The following RSPH14 variants were observed in gnomAD, a reference collection of about 807,000 sequenced individuals.
RSPH14 encodes the protein rhabdoid tumor deletion region gene 1.
In RSPH14, 20 loss-of-function variants were observed where a neutral mutation model predicts 26.7. That is an observed-to-expected ratio of 0.75 (90% confidence interval 0.53 to 1.09). RSPH14 has a LOEUF of 1.09. Among genes scored for constraint, RSPH14 ranks in the 50% least tolerant of loss-of-function variants. The pLI is 0.00. For missense variants in RSPH14, 449 were observed against 457.2 expected (o/e 0.98, Z 0.16); for synonymous variants, 177 against 189.3 (o/e 0.93, Z 0.53).
intron 3 of RSPH14, among the ~76,000 whole-genome samples, chr22:23,138,122 A>G (rs2070514752): frequency 6.6e-6 from 1 of 152,244 alleles, no homozygotes; most frequent in Non-Finnish European, 1.5e-5. Flanking sequence ...CACTTTGAGG[A>G]TGTTATTTTA....
At chr22:23,077,948 G>A (rs2068551934) in intron 4 of RSPH14, among the ~76,000 whole-genome samples, 1 of 152,194 alleles carries the variant, frequency 6.6e-6, no homozygotes, top group South Asian at 2.1e-4. Context: ...ACTCCACCAT[G>A]AGGGCTTGGC....
chr22:23,088,138 C>T lies in RSPH14; in HGVS notation c.422-24005G>A, dbSNP rs539556131. Among the ~76,000 whole-genome samples, 5 of 152,206 alleles carry T rather than the reference C, an allele frequency of 3.3e-5. No homozygotes were observed. The South Asian group carries it at 1.0e-3, about 31-fold the overall frequency. On this transcript the variant is annotated intron_variant, in intron 4 of 6. Coordinates refer to ENST00000216036, the MANE Select transcript of RSPH14 (RefSeq NM_014433.3). ...GTTAAATCTCTTTCACTGTCTCAGTCATAATTTTGTAAAGGCGGTTTCAAG... is the reference window on the plus strand; with the variant it reads ...GTTAAATCTCTTTCACTGTCTCAGTTATAATTTTGTAAAGGCGGTTTCAAG...
chr22:23,136,757 T>G (rs1313989566), intron 3 of RSPH14, among the ~76,000 whole-genome samples: 4 of 139,058 alleles, frequency 2.9e-5, no homozygotes, highest in African/African-American at 1.0e-4. Context: ...CCCCCCTAAC[T>G]GGGGATTACT....
chr22:23,165,896 C>T, the RSPH14 span, among the ~76,000 whole-genome samples: 1 of 152,152 alleles, frequency 6.6e-6, no homozygotes, highest in South Asian at 2.1e-4. Context: ...CCTGTAATCC[C>T]AGCACTTTGG....
chr22:23,154,211 C>T, the RSPH14 span, among the ~76,000 whole-genome samples: 1 of 152,152 alleles, frequency 6.6e-6, no homozygotes, highest in African/African-American at 2.4e-5. Flanking sequence ...CTGTGAGACC[C>T]TTCCGTGCTC....
intron 3 of RSPH14, 51 bp from the exon 4 acceptor site, chr22:23,134,195 G>A (rs756815620): frequency 1.0e-5 from 14 of 1,369,968 alleles, no homozygotes; most frequent in Non-Finnish European, 1.4e-5. Flanking sequence ...GCCCTGAGAG[G>A]CTCAAATTAG....
chr22:23,149,487 T>C (rs902136427), upstream of RSPH14, among the ~76,000 whole-genome samples: 5 of 152,196 alleles, frequency 3.3e-5, no homozygotes, highest in Non-Finnish European at 5.9e-5. Flanking sequence ...TCCTAGGACA[T>C]TTTCCAGGCA....
At chr22:23,111,374 C>T (rs960107916) in intron 4 of RSPH14, among the ~76,000 whole-genome samples, 8 of 152,194 alleles carry the variant, frequency 5.3e-5, no homozygotes, top group Non-Finnish European at 1.0e-4. Flanking sequence ...GCACTGGACT[C>T]GGTTCCGCCT....
the RSPH14 span, among the ~76,000 whole-genome samples, chr22:23,173,806 C>G: frequency 3.3e-5 from 5 of 151,984 alleles, no homozygotes; most frequent in African/African-American, 1.2e-4. Flanking sequence ...CTCCTGGGTT[C>G]CAGCGATTCT....
intron 4 of RSPH14, among the ~76,000 whole-genome samples, chr22:23,079,478 C>T (rs942819385): frequency 2.0e-5 from 3 of 152,034 alleles, no homozygotes; most frequent in Non-Finnish European, 4.4e-5. Context: ...GGAGCATGGG[C>T]GTGGGAGTCA....
At chr22:23,113,996 C>T (rs1313931456) in intron 4 of RSPH14, among the ~76,000 whole-genome samples, 4 of 152,252 alleles carry the variant, frequency 2.6e-5, no homozygotes, top group Non-Finnish European at 5.9e-5. Flanking sequence ...CAAGCTTCCA[C>T]CACAAAGGGA....
At chr22:23,062,797 C>T (rs2068122551) in intron 5 of RSPH14, among the ~76,000 whole-genome samples, 1 of 152,272 alleles carries the variant, frequency 6.6e-6, no homozygotes, top group South Asian at 2.1e-4. Flanking sequence ...TTCGTTCACA[C>T]AGCAAGACAC....
chr22:23,080,350 C>A (rs959135334), intron 4 of RSPH14, among the ~76,000 whole-genome samples: 1 of 152,118 alleles, frequency 6.6e-6, no homozygotes, highest in Non-Finnish European at 1.5e-5. Context: ...CAGGGAAGGG[C>A]CTCCCTGTTC....
At chr22:23,104,343 G>C (rs1045586850) in intron 4 of RSPH14, among the ~76,000 whole-genome samples, 1 of 152,208 alleles carries the variant, frequency 6.6e-6, no homozygotes. Context: ...CCCCAGGACT[G>C]TGTCCCTCCC....
chr22:23,126,920 C>T (rs893904112), intron 4 of RSPH14, among the ~76,000 whole-genome samples: 1 of 152,226 alleles, frequency 6.6e-6, no homozygotes, highest in Non-Finnish European at 1.5e-5. Flanking sequence ...ACAGTGGTCA[C>T]GATAATCCCA....
rs369270494 is a variant in RSPH14, at chr22:23,059,775, C to G, written c.791-57G>C. The G allele has an allele frequency of 8.8e-6, 13 of 1,484,214 alleles. No homozygotes were observed. In the African/African-American group the frequency reaches 1.7e-4, roughly 19 times the overall value. The allele number at this position is 1,484,214 out of a possible 1,614,324, so 91.9% of individuals were successfully genotyped here. A position where few individuals can be genotyped will look rare whatever the true frequency, so the allele number is the denominator to read the frequency against. ...AGCCCAAGGGGCCCTCTTCTCACCC[C>G]CTCTCACCCTAGCCCTCTCCTGACC... On this transcript the variant is annotated intron_variant, in intron 6 of 6. Transcript: ENST00000216036.
chr22:23,107,123 G>T (rs953653311), intron 4 of RSPH14, among the ~76,000 whole-genome samples: 1 of 152,238 alleles, frequency 6.6e-6, no homozygotes, highest in Non-Finnish European at 1.5e-5. Context: ...AACAGCCCTT[G>T]CTGTTTGAGG....
At chr22:23,096,024 T>G (rs1172258202) in intron 4 of RSPH14, 1 of 1,607,236 alleles carries the variant, frequency 6.2e-7, no homozygotes, top group South Asian at 1.1e-5. Flanking sequence ...CTCTTTGCGC[T>G]GACGGGCCCC....
chr22:23,095,716 A>C (rs547325924), intron 4 of RSPH14: 2 of 1,609,814 alleles, frequency 1.2e-6, no homozygotes, highest in Admixed American at 1.7e-5. Context: ...GGCAAAGCTC[A>C]GAGGAAAAAG....
Sources: gnomAD v4.1 joint callset for allele counts (sites outside exome capture counted in the v4.1 genomes callset) on GRCh38, gnomAD v4.1.1 for gene constraint, MANE v1.5 for transcripts, NCBI Gene and HGNC (gene_info 2026-07-23, HGNC 2026-07-21) for gene names.